The following NRG1 variants were observed in gnomAD, a reference collection of about 807,000 sequenced individuals.
NRG1 encodes pro-neuregulin-1, membrane-bound isoform.
Under a neutral mutation model 63.8 loss-of-function variants are expected in NRG1, and 18 were observed. The observed-to-expected ratio is 0.28, with a 90% confidence interval of 0.19 to 0.42. The LOEUF (loss-of-function observed/expected upper bound fraction) is 0.42, where lower values mean the gene tolerates loss of function less well. Ranked by LOEUF, NRG1 falls within the 10% of genes least tolerant of loss-of-function variation. The probability of loss-of-function intolerance (pLI) is 1.00; values close to 1 mark genes in which losing one functional copy is unlikely to be tolerated. For missense variants in NRG1, 762 were observed against 814.7 expected, an observed-to-expected ratio of 0.94 and a Z score of 0.79; for synonymous variants, 302 against 301.3, an observed-to-expected ratio of 1.00 and a Z score of -0.02.
intron 1 of NRG1, among the ~76,000 whole-genome samples, chr8:32,141,730 A>C (rs2131736013): frequency 6.6e-6 from 1 of 151,032 alleles, no homozygotes; most frequent in East Asian, 2.0e-4. Context: ...CTTCTGGCTA[A>C]AGATCAGCAT....
At chr8:31,758,332 A>C (rs1817189126) in intron 1 of NRG1, among the ~76,000 whole-genome samples, 5 of 152,046 alleles carry the variant, frequency 3.3e-5, no homozygotes, top group Admixed American at 3.3e-4. Flanking sequence ...TTCCTGTGTT[A>C]GTTTGCTGAG....
intron 5 of NRG1, among the ~76,000 whole-genome samples, chr8:32,682,612 G>A (rs78884667): frequency 0.017 from 2,551 of 152,148 alleles, 70 homozygotes; most frequent in African/African-American, 0.058. Context: ...GGAATATCTC[G>A]AACAGTTGTC....
At chr8:32,631,089 A>T (rs1850214726) in intron 5 of NRG1, among the ~76,000 whole-genome samples, 1 of 152,182 alleles carries the variant, frequency 6.6e-6, no homozygotes, top group Non-Finnish European at 1.5e-5. Context: ...CTGAACTTGA[A>T]ATCTCATACT....
chr8:31,896,135 G>T (rs1831559884), intron 1 of NRG1, among the ~76,000 whole-genome samples: 1 of 152,080 alleles, frequency 6.6e-6, no homozygotes, highest in African/African-American at 2.4e-5. Flanking sequence ...TCCAGCATTT[G>T]CTCACTAGAC....
intron 1 of NRG1, among the ~76,000 whole-genome samples, chr8:32,417,100 A>G (rs889106055): frequency 6.6e-6 from 1 of 152,186 alleles, no homozygotes; most frequent in South Asian, 2.1e-4. Context: ...CTCAGCTTAC[A>G]CTGTGGTTGA....
At chr8:31,657,367 C>G (rs1289483399) in intron 1 of NRG1, among the ~76,000 whole-genome samples, 1 of 152,160 alleles carries the variant, frequency 6.6e-6, no homozygotes, top group Non-Finnish European at 1.5e-5. Flanking sequence ...ACCTTACCTG[C>G]GGGCTCCTCC....
intron 1 of NRG1, among the ~76,000 whole-genome samples, chr8:31,762,667 T>C (rs1392780640): frequency 6.6e-6 from 1 of 152,220 alleles, no homozygotes; most frequent in Non-Finnish European, 1.5e-5. Flanking sequence ...CTAGTTACAA[T>C]GCTGGATAGC....
intron 1 of NRG1, among the ~76,000 whole-genome samples, chr8:31,921,115 C>A (rs961221982): frequency 6.6e-6 from 1 of 152,080 alleles, no homozygotes; most frequent in African/African-American, 2.4e-5. Flanking sequence ...ATATGCAATA[C>A]CTTCCTACTG....
At chr8:32,531,348 A>T (rs554188412) in intron 1 of NRG1, among the ~76,000 whole-genome samples, 1 of 152,084 alleles carries the variant, frequency 6.6e-6, no homozygotes, top group African/African-American at 2.4e-5. Flanking sequence ...GTCACTTAAA[A>T]TGCCTCCAAG....
At chr8:32,701,269 G>C (rs1814804192) in intron 5 of NRG1, among the ~76,000 whole-genome samples, 1 of 152,008 alleles carries the variant, frequency 6.6e-6, no homozygotes, top group South Asian at 2.1e-4. Flanking sequence ...CTGCAATTTT[G>C]GACTTTTTAG....
At chr8:31,667,763 C>A (rs1382088524) in intron 1 of NRG1, among the ~76,000 whole-genome samples, 8 of 152,160 alleles carry the variant, frequency 5.3e-5, no homozygotes, top group African/African-American at 1.9e-4. Flanking sequence ...TTCATCCAAG[C>A]TCTCATGTCA....
At chr8:31,826,672 T>C (rs1043215583) in intron 1 of NRG1, among the ~76,000 whole-genome samples, 1 of 152,168 alleles carries the variant, frequency 6.6e-6, no homozygotes, top group African/African-American at 2.4e-5. Context: ...TCAGTCACTG[T>C]CCCAGGACAG....
At chr8:32,618,309 T>C (rs1027910579) in intron 5 of NRG1, among the ~76,000 whole-genome samples, 15 of 152,158 alleles carry the variant, frequency 9.9e-5, no homozygotes, top group African/African-American at 2.9e-4. Flanking sequence ...AATAAAGTTA[T>C]TGAAACTCTT....
At chr8:32,740,948 A>C (rs1826178734) in intron 6 of NRG1, among the ~76,000 whole-genome samples, 1 of 152,172 alleles carries the variant, frequency 6.6e-6, no homozygotes, top group South Asian at 2.1e-4. Flanking sequence ...TGCTGTATAG[A>C]TGAACTATTA....
chr8:32,060,553 G>A (rs1016348827), intron 1 of NRG1, among the ~76,000 whole-genome samples: 1 of 151,764 alleles, frequency 6.6e-6, no homozygotes, highest in Non-Finnish European at 1.5e-5. Context: ...TTTTGGTTTG[G>A]GGGGTTGCAT....
chr8:31,662,333 A>T (rs1218621512), intron 1 of NRG1, among the ~76,000 whole-genome samples: 2 of 152,236 alleles, frequency 1.3e-5, no homozygotes, highest in African/African-American at 4.8e-5. Context: ...CTGAAAATGA[A>T]CTGTCCTTAA....
chr8:32,038,621 C>T (rs551665440), intron 1 of NRG1, among the ~76,000 whole-genome samples: 117 of 151,930 alleles, frequency 7.7e-4, no homozygotes, highest in Non-Finnish European at 1.4e-3. Flanking sequence ...ATCAATTATT[C>T]CTGTATAGTT....
At chr8:31,883,529 C>T (rs527571649) in intron 1 of NRG1, among the ~76,000 whole-genome samples, 12 of 152,088 alleles carry the variant, frequency 7.9e-5, no homozygotes, top group Non-Finnish European at 1.5e-4. Context: ...TTTGGAGAAG[C>T]TGAGCTGTTT....
chr8:31,910,271 G>A (rs1435601417), intron 1 of NRG1, among the ~76,000 whole-genome samples: 1 of 152,174 alleles, frequency 6.6e-6, no homozygotes, highest in Non-Finnish European at 1.5e-5. Flanking sequence ...TGACCAGAGT[G>A]TAGATTGAGA....
Sources: gnomAD v4.1 joint callset for allele counts (sites outside exome capture counted in the v4.1 genomes callset) on GRCh38, gnomAD v4.1.1 for gene constraint, MANE v1.5 for transcripts, NCBI Gene and HGNC (gene_info 2026-07-23, HGNC 2026-07-21) for gene names.